COL14A1: variants seen among roughly 807,000 people sequenced by gnomAD.
COL14A1 encodes collagen type XIV alpha 1 chain.
COL14A1 carries 136 observed loss-of-function variants against 230.3 expected under a neutral mutation model. That is an observed-to-expected ratio of 0.59 (90% CI 0.51 to 0.68). COL14A1 has a LOEUF of 0.68. Ranked by LOEUF, COL14A1 falls within the 30% of genes least tolerant of loss-of-function variation. The probability of loss-of-function intolerance (pLI) is 0.00; values close to 1 mark genes in which losing one functional copy is unlikely to be tolerated. For synonymous variants in COL14A1, 792 were observed against 784.1 expected, an observed-to-expected ratio of 1.01 and a Z score of -0.17; for missense variants, 1,976 against 2,215.8, an observed-to-expected ratio of 0.89 and a Z score of 2.17.
chr8:120,275,522 G>A (rs1298767003), intron 26 of COL14A1, among the ~76,000 whole-genome samples: 1 of 148,860 alleles, frequency 6.7e-6, no homozygotes, highest in Non-Finnish European at 1.5e-5. Flanking sequence ...CTTCTGAACA[G>A]CTAATCATCA....
At chr8:120,193,216 A>G (rs1454331426) in intron 5 of COL14A1, among the ~76,000 whole-genome samples, 1 of 152,038 alleles carries the variant, frequency 6.6e-6, no homozygotes, top group Non-Finnish European at 1.5e-5. Context: ...ATGTACGGAT[A>G]GGTTTTTGGT....
At chr8:120,229,988 C>T (rs1818218999) in intron 18 of COL14A1, among the ~76,000 whole-genome samples, 1 of 152,166 alleles carries the variant, frequency 6.6e-6, no homozygotes, top group South Asian at 2.1e-4. Context: ...TCATGTGATC[C>T]TCCAGCCTCA....
rs189881128 is a variant in COL14A1, at chr8:120,335,117, G to A, written c.4785+2382G>A. Among the ~76,000 whole-genome samples, 5 of 152,254 alleles carry A rather than the reference G, an allele frequency of 3.3e-5. No individual in the cohort carries two copies. In the East Asian group the frequency reaches 9.7e-4, roughly 29 times the overall value. The stretch of plus-strand genomic sequence containing the variant: ...GGGAAGAAGGAAGGAAAGAAATGCA[G>A]GCTCTGAGAGCTTTGGGAGAGTTGA... On this transcript the variant is annotated intron_variant, in intron 42 of 47. Coordinates refer to ENST00000297848, the MANE Select transcript of COL14A1 (RefSeq NM_021110.4).
intron 1 of COL14A1, among the ~76,000 whole-genome samples, chr8:120,146,822 T>C (rs1027676297): frequency 4.6e-5 from 7 of 152,086 alleles, no homozygotes; most frequent in African/African-American, 1.7e-4. Flanking sequence ...AACGAATATA[T>C]AAATGAAAAA....
chr8:120,180,701 C>CCT (rs1816434170), intron 5 of COL14A1, among the ~76,000 whole-genome samples: 1 of 83,538 alleles, frequency 1.2e-5, no homozygotes, highest in Non-Finnish European at 2.1e-5. Flanking sequence ...GGTAGGAAGC[C>CCT]TTTTTTTTTT....
chr8:120,257,428 A>G (rs1336088735), intron 23 of COL14A1, among the ~76,000 whole-genome samples: 1 of 152,186 alleles, frequency 6.6e-6, no homozygotes, highest in Non-Finnish European at 1.5e-5. Context: ...TGACAACTGG[A>G]AAAGGAATGT....
intron 21 of COL14A1, among the ~76,000 whole-genome samples, chr8:120,248,921 T>TG: frequency 1.3e-5 from 1 of 76,136 alleles, no homozygotes; most frequent in South Asian, 4.2e-4. Context: ...ATCTTTCTTT[T>TG]TTTTTTTTTT....
chr8:120,172,193 CA>C (rs1563650114), intron 5 of COL14A1, among the ~76,000 whole-genome samples: 1 of 151,826 alleles, frequency 6.6e-6, no homozygotes, highest in African/African-American at 2.4e-5. Flanking sequence ...CTCTGTTGCC[CA>C]GACAGGAGTG....
intron 42 of COL14A1, among the ~76,000 whole-genome samples, chr8:120,337,603 T>C (rs1297634655): frequency 2.6e-5 from 4 of 152,086 alleles, no homozygotes; most frequent in Admixed American, 6.6e-5. Context: ...AACCACAAGA[T>C]CATTCCTCTT....
chr8:120,289,850 G>T (rs1264852526), intron 34 of COL14A1, 84 bp downstream of exon 34: 3 of 1,402,414 alleles, frequency 2.1e-6, no homozygotes, highest in East Asian at 2.4e-5. Context: ...CCAGGGGAAA[G>T]GTTTAACAAA....
At chr8:120,157,065 T>C (rs1815504204) in intron 2 of COL14A1, among the ~76,000 whole-genome samples, 1 of 152,242 alleles carries the variant, frequency 6.6e-6, no homozygotes, top group South Asian at 2.1e-4. Flanking sequence ...CTTAGCTTTT[T>C]TGAAATACTG....
chr8:120,225,285 C>T, intron 15 of COL14A1, 71 bp downstream of exon 15: 4 of 1,314,994 alleles, frequency 3.0e-6, no homozygotes, highest in Non-Finnish European at 4.2e-6. Flanking sequence ...GAACCTGGAG[C>T]ACCTTCTTTA....
intron 45 of COL14A1, among the ~76,000 whole-genome samples, chr8:120,350,323 A>G (rs1230850612): frequency 1.3e-5 from 2 of 148,864 alleles, no homozygotes; most frequent in Non-Finnish European, 3.0e-5. Flanking sequence ...AAGAAACTGC[A>G]TCAACTAACG....
chr8:120,217,947 A>G (rs1419955102), intron 14 of COL14A1, among the ~76,000 whole-genome samples: 2 of 144,846 alleles, frequency 1.4e-5, no homozygotes, highest in African/African-American at 2.5e-5. Flanking sequence ...AACTTAGGCT[A>G]TATTATATAA....
At chr8:120,332,781 C>A (rs534090658) in intron 42 of COL14A1, 46 bp downstream of exon 42, 14 of 1,474,318 alleles carry the variant, frequency 9.5e-6, no homozygotes, top group Admixed American at 9.0e-5. Flanking sequence ...CCAGTCATCA[C>A]GTTTATTTAT....
intron 4 of COL14A1, among the ~76,000 whole-genome samples, chr8:120,164,800 T>C (rs1220910905): frequency 6.6e-6 from 1 of 152,228 alleles, no homozygotes; most frequent in Admixed American, 6.5e-5. Flanking sequence ...CATGAGTTGC[T>C]GAAATAACTT....
In COL14A1 at chr8:120,197,206, G is replaced by A. The variant is rs114320800; in HGVS notation, c.592+260G>A. 7.2e-3 allele frequency among the ~76,000 whole-genome samples: 1,096 copies of A among 152,134 alleles called. 10 individuals are homozygous for A. The highest frequency in any genetic ancestry group is 0.024 in the African/African-American group (1,014 of 41,510). On this transcript the variant is annotated intron_variant, in intron 6 of 47. Coordinates refer to ENST00000297848, the MANE Select transcript of COL14A1 (RefSeq NM_021110.4). The stretch of plus-strand genomic sequence containing the variant: ...CTTCTCTGTTACTTTAAAAGTTACA[G>A]CTGGTTTAAGAATTTATTGCATAGC...
chr8:120,222,535 G>A (rs1817962741), intron 14 of COL14A1, among the ~76,000 whole-genome samples: 1 of 152,112 alleles, frequency 6.6e-6, no homozygotes, highest in African/African-American at 2.4e-5. Flanking sequence ...TGAAAAGGCT[G>A]GGATTCTCTG....
At chr8:120,185,918 G>A (rs1336420043) in intron 5 of COL14A1, among the ~76,000 whole-genome samples, 6 of 151,970 alleles carry the variant, frequency 3.9e-5, no homozygotes, top group Admixed American at 6.6e-5. Flanking sequence ...GGTTACTGAC[G>A]CCTGCCACCA....
Sources: gnomAD v4.1 joint callset for allele counts (sites outside exome capture counted in the v4.1 genomes callset) on GRCh38, gnomAD v4.1.1 for gene constraint, MANE v1.5 for transcripts, NCBI Gene and HGNC (gene_info 2026-07-23, HGNC 2026-07-21) for gene names.